The following DOCK3 variants were observed in gnomAD, a reference collection of about 807,000 sequenced individuals.
DOCK3 encodes dedicator of cytokinesis protein 3.
DOCK3 carries 60 observed loss-of-function variants against 265.6 expected under a neutral mutation model. The ratio of observed to expected loss-of-function variants is 0.23; its 90% CI spans 0.18 to 0.28. The LOEUF (loss-of-function observed/expected upper bound fraction) is 0.28. Among genes scored for constraint, DOCK3 ranks in the 10% least tolerant of loss-of-function variants. DOCK3 has a pLI of 1.00. For missense variants in DOCK3, 1,981 were observed against 2,594.3 expected, an observed-to-expected ratio of 0.76 and a Z score of 5.14; for synonymous variants, 881 against 938.0, an observed-to-expected ratio of 0.94 and a Z score of 1.11.
chr3:51,360,655 GGTTCCCTC>G (rs750463524), intron 47 of DOCK3, 23 bp downstream of exon 47: 4 of 1,613,232 alleles, frequency 2.5e-6, no homozygotes, highest in Non-Finnish European at 1.7e-6. Flanking sequence ...GGCTGGGGAG[GGTTCCCTC>G]TGGAGAGGTG....
intron 23 of DOCK3, among the ~76,000 whole-genome samples, chr3:51,260,843 G>A (rs915681238): frequency 6.6e-6 from 1 of 151,862 alleles, no homozygotes; most frequent in Admixed American, 6.6e-5. Flanking sequence ...AATTAGCTGG[G>A]TGTGCTAGCA....
chr3:50,900,798 G>A, intron 4 of DOCK3: 1 of 425,634 alleles, frequency 2.3e-6, no homozygotes, highest in African/African-American at 2.1e-5. Context: ...GTTTGCCTGG[G>A]TATCACCAGC....
intron 9 of DOCK3, 73 bp from the exon 10 acceptor site, chr3:51,146,476 C>T (rs533907761): frequency 2.2e-5 from 32 of 1,451,732 alleles, no homozygotes; most frequent in South Asian, 3.7e-5. Flanking sequence ...AGTGTTTTTC[C>T]GTATCTGCCC....
chr3:50,921,456 T>G (rs2050460985), intron 4 of DOCK3, among the ~76,000 whole-genome samples: 1 of 152,216 alleles, frequency 6.6e-6, no homozygotes, highest in Non-Finnish European at 1.5e-5. Flanking sequence ...CGTCTAATCT[T>G]TTTTCAAGGT....
chr3:51,174,100 A>G (rs917200243), intron 12 of DOCK3, among the ~76,000 whole-genome samples: 6 of 152,160 alleles, frequency 3.9e-5, no homozygotes, highest in East Asian at 1.9e-4. Flanking sequence ...TTTCAATTCT[A>G]TCATTGTATT....
At chr3:51,087,086 A>C (rs972951081) in intron 7 of DOCK3, among the ~76,000 whole-genome samples, 7 of 152,222 alleles carry the variant, frequency 4.6e-5, no homozygotes, top group African/African-American at 1.7e-4. Context: ...AACTGTTCCA[A>C]AAAATTGAGG....
In DOCK3 at chr3:50,952,140, C is replaced by G. The variant is rs150457002; in HGVS notation, c.315+18063C>G. Among the ~76,000 whole-genome samples the G allele has an allele frequency of 2.9e-3, 441 of 152,296 alleles. 1 individual carries two copies. The highest frequency in any genetic ancestry group is 5.2e-3 in the Non-Finnish European group (354 of 68,030). On this transcript the variant is annotated intron_variant, in intron 5 of 52. Coordinates refer to ENST00000266037, the MANE Select transcript of DOCK3 (RefSeq NM_004947.5). ...AGAGCAAATTATACCCAAGGACATT[C>G]TTTCAGTGAGACAGCCAGCTCTGAG...
chr3:51,279,264 A>G (rs2080987290), intron 26 of DOCK3, among the ~76,000 whole-genome samples: 1 of 152,138 alleles, frequency 6.6e-6, no homozygotes. Context: ...AAAAACAACA[A>G]TAATAATAAT....
intron 2 of DOCK3, among the ~76,000 whole-genome samples, chr3:50,835,125 TTTTCACAAATG>T (rs2045426418): frequency 6.6e-6 from 1 of 152,192 alleles, no homozygotes; most frequent in Non-Finnish European, 1.5e-5. Context: ...CAAGATTAAT[TTTTCACAAATG>T]TTTCACAACT....
chr3:50,924,948 G>C (rs752620401), intron 4 of DOCK3, among the ~76,000 whole-genome samples: 10 of 152,184 alleles, frequency 6.6e-5, no homozygotes, highest in Non-Finnish European at 1.3e-4. Flanking sequence ...ATGTAAGCAA[G>C]GCAAGGATAC....
chr3:51,257,840 ACTC>A (rs1233017583), intron 22 of DOCK3, among the ~76,000 whole-genome samples: 1 of 151,600 alleles, frequency 6.6e-6, no homozygotes, highest in Non-Finnish European at 1.5e-5. Flanking sequence ...CTTCTATTCC[ACTC>A]CTCTGCCCCG....
intron 5 of DOCK3, among the ~76,000 whole-genome samples, chr3:50,964,097 C>T (rs777896849): frequency 2.0e-4 from 31 of 152,180 alleles, no homozygotes; most frequent in African/African-American, 6.3e-4. Context: ...CACAGAGCGT[C>T]AGGTAGAATA....
intron 5 of DOCK3, among the ~76,000 whole-genome samples, chr3:51,047,983 A>T (rs1055758964): frequency 5.3e-5 from 8 of 152,144 alleles, no homozygotes; most frequent in Non-Finnish European, 1.2e-4. Flanking sequence ...AAAAACCCTC[A>T]AAAAAATATT....
chr3:50,958,490 G>A (rs2076790066), intron 5 of DOCK3, among the ~76,000 whole-genome samples: 1 of 151,996 alleles, frequency 6.6e-6, no homozygotes, highest in African/African-American at 2.4e-5. Flanking sequence ...ATGTCACCAG[G>A]CTCTTGCAAG....
At chr3:51,347,362 G>A (rs984223329) in intron 38 of DOCK3, among the ~76,000 whole-genome samples, 2 of 152,178 alleles carry the variant, frequency 1.3e-5, no homozygotes, top group African/African-American at 4.8e-5. Flanking sequence ...CATATGGCTA[G>A]CCAGTTTTCC....
At chr3:50,800,288 T>G (rs2043005210) in intron 2 of DOCK3, among the ~76,000 whole-genome samples, 1 of 152,242 alleles carries the variant, frequency 6.6e-6, no homozygotes, top group East Asian at 1.9e-4. Context: ...TTTAAAAGAA[T>G]GATAGAATTC....
chr3:51,293,323 CACA>C (rs1261059582), intron 27 of DOCK3, among the ~76,000 whole-genome samples: 1 of 152,164 alleles, frequency 6.6e-6, no homozygotes, highest in Non-Finnish European at 1.5e-5. Flanking sequence ...AATAAACCCA[CACA>C]TCTACCATTA....
chr3:51,072,872 ATTTT>A (rs748566865), intron 6 of DOCK3, among the ~76,000 whole-genome samples: 1 of 138,782 alleles, frequency 7.2e-6, no homozygotes, highest in African/African-American at 2.6e-5. Context: ...AACCTGGCTA[ATTTT>A]TTTTTTTTTT....
rs1223753566 is a variant in DOCK3 at position 51,380,306 on chromosome 3, C to T, written c.5583+99C>T. ...GTCTACAGGAGGAACTGGAGCCCTC[C>T]CCTTCACCTCTCTCCCCAGCCTGGC... is the stretch of plus-strand genomic sequence containing the variant. On this transcript the variant is annotated intron_variant, in intron 52 of 52. Transcript: ENST00000266037. 3 of 1,129,604 alleles carry T rather than the reference C, an allele frequency of 2.7e-6. No individual in the cohort carries two copies. The African/African-American group carries it at 4.6e-5, about 17-fold the overall frequency. The allele number at this position is 1,129,604 out of a possible 1,614,324, so 70.0% of individuals were successfully genotyped here.
Sources: gnomAD v4.1 joint callset for allele counts (sites outside exome capture counted in the v4.1 genomes callset) on GRCh38, gnomAD v4.1.1 for gene constraint, MANE v1.5 for transcripts, NCBI Gene and HGNC (gene_info 2026-07-23, HGNC 2026-07-21) for gene names.